The following PLPP4 variants were observed in gnomAD, a reference collection of about 807,000 sequenced individuals.
PLPP4 encodes diacylglycerol pyrophosphate like 2.
PLPP4 carries 20 observed loss-of-function variants against 32.2 expected under a neutral mutation model. That is an observed-to-expected ratio of 0.62 (90% CI 0.44 to 0.90). The LOEUF is 0.90. PLPP4 is among the 40% of genes least tolerant of loss of function. The probability of loss-of-function intolerance (pLI) is 0.00; values close to 1 mark genes in which losing one functional copy is unlikely to be tolerated. For missense variants in PLPP4, 257 were observed against 353.1 expected (o/e 0.73, Z 2.18); for synonymous variants, 127 against 133.0 (o/e 0.95, Z 0.31).
At chr10:120,517,343 A>G (rs1199578149) in intron 3 of PLPP4, among the ~76,000 whole-genome samples, 1 of 152,218 alleles carries the variant, frequency 6.6e-6, no homozygotes, top group Non-Finnish European at 1.5e-5. Context: ...AGAATATGGC[A>G]AAGATATCCC....
chr10:120,505,238 C>T (rs1845441761), intron 2 of PLPP4, among the ~76,000 whole-genome samples: 1 of 152,218 alleles, frequency 6.6e-6, no homozygotes, highest in Non-Finnish European at 1.5e-5. Flanking sequence ...GCTCTTGGAG[C>T]TCAGCTCTCA....
chr10:120,499,814 A>G (rs1845155199), intron 1 of PLPP4, among the ~76,000 whole-genome samples: 1 of 152,108 alleles, frequency 6.6e-6, no homozygotes, highest in African/African-American at 2.4e-5. Flanking sequence ...CCTTCCCTAG[A>G]AGCAGGGTTC....
chr10:120,471,233 C>G (rs1330068892), intron 1 of PLPP4, among the ~76,000 whole-genome samples: 1 of 152,008 alleles, frequency 6.6e-6, no homozygotes, highest in African/African-American at 2.4e-5. Context: ...TAATTAAAGC[C>G]TTCACATTGT....
chr10:120,566,027 T>A (rs1212288716), intron 5 of PLPP4, among the ~76,000 whole-genome samples: 1 of 152,148 alleles, frequency 6.6e-6, no homozygotes, highest in African/African-American at 2.4e-5. Context: ...GAAATTCTAT[T>A]TGGTCTTTTT....
rs773676931 is a variant in PLPP4, at chr10:120,521,065, C to T, written c.415C>T (p.Arg139Cys). The T allele has an allele frequency of 2.9e-5, 47 of 1,613,942 alleles. No individual in the cohort carries two copies. The highest frequency in any genetic ancestry group is 1.3e-4 in the Admixed American group (8 of 59,998). Residue 139 changes from arginine to cysteine, a missense_variant, in exon 5 of 7, where the codon CGC becomes TGC. Transcript: ENST00000398250. ...TGDPDLVSEGRKSFPSIHSSF... is the reference protein window; with the variant it reads ...TGDPDLVSEGCKSFPSIHSSF... Reference sequence around the variant, plus strand: ...TGACCCCGATCTGGTGTCCGAGGGCCGCAAAAGCTTCCCCAGCATCCATTC... The same window carrying T: ...TGACCCCGATCTGGTGTCCGAGGGCTGCAAAAGCTTCCCCAGCATCCATTC...
intron 1 of PLPP4, among the ~76,000 whole-genome samples, chr10:120,479,043 G>T (rs918304682): frequency 1.3e-5 from 2 of 152,262 alleles, no homozygotes; most frequent in South Asian, 4.1e-4. Flanking sequence ...TGGCTAACAT[G>T]GTGAAACCCC....
intron 1 of PLPP4, among the ~76,000 whole-genome samples, chr10:120,466,782 G>A (rs1848342509): frequency 6.6e-6 from 1 of 151,962 alleles, no homozygotes; most frequent in Non-Finnish European, 1.5e-5. Flanking sequence ...CTCCTAGGGA[G>A]CTTGTAAAGA....
At chr10:120,570,404 A>G (rs1848880385) in intron 5 of PLPP4, among the ~76,000 whole-genome samples, 1 of 152,132 alleles carries the variant, frequency 6.6e-6, no homozygotes, top group South Asian at 2.1e-4. Context: ...CCCAAAATGG[A>G]AAGTTTGTAT....
intron 6 of PLPP4, among the ~76,000 whole-genome samples, chr10:120,585,573 A>G (rs1035141773): frequency 6.6e-6 from 1 of 152,224 alleles, no homozygotes; most frequent in Non-Finnish European, 1.5e-5. Flanking sequence ...TAATCATTAG[A>G]AGTAATATAT....
intron 1 of PLPP4, among the ~76,000 whole-genome samples, chr10:120,495,065 G>A (rs980920043): frequency 1.3e-5 from 2 of 152,138 alleles, no homozygotes; most frequent in African/African-American, 2.4e-5. Flanking sequence ...GTGCATGTAC[G>A]GAGGAAGAGT....
intron 1 of PLPP4, among the ~76,000 whole-genome samples, chr10:120,460,985 A>T (rs1848017063): frequency 6.6e-6 from 1 of 152,174 alleles, no homozygotes; most frequent in Non-Finnish European, 1.5e-5. Context: ...ATCCAGCCCC[A>T]GGCTTCCAGA....
At chr10:120,485,619 G>A (rs1020350235) in intron 1 of PLPP4, among the ~76,000 whole-genome samples, 22 of 152,230 alleles carry the variant, frequency 1.4e-4, no homozygotes, top group Non-Finnish European at 2.9e-5. Context: ...GGTTTTTGAT[G>A]CTGGATACTG....
In PLPP4 at chr10:120,460,306, T is replaced by G. The variant is rs535245288; in HGVS notation, c.56+2945T>G. On this transcript the variant is annotated intron_variant, in intron 1 of 6. Transcript: ENST00000398250. ...CAGGAAGGAGAAGCACTTTTGGGCT[T>G]CTTCTGTCCTGCTGCTACCCAAGAC... Among the ~76,000 whole-genome samples the G allele has an allele frequency of 3.9e-5, 6 of 152,296 alleles. No homozygotes were observed. The East Asian group carries it at 5.8e-4, about 15-fold the overall frequency.
chr10:120,547,424 A>T lies in PLPP4; in HGVS notation c.445+26329A>T, dbSNP rs116508722. Reference sequence around the variant, plus strand: ...AATCACATTTTTGAAGTGGACGTTGAAAATTGTGTATGTGTTTTAAAAATT... The same window carrying T: ...AATCACATTTTTGAAGTGGACGTTGTAAATTGTGTATGTGTTTTAAAAATT... On this transcript the variant is annotated intron_variant, in intron 5 of 6. Transcript: ENST00000398250. Among the ~76,000 whole-genome samples, 1,277 of 152,306 alleles carry T rather than the reference A, an allele frequency of 8.4e-3. 23 individuals are homozygous for T. Among genetic ancestry groups the T allele is most frequent in the African/African-American group, 0.029 (1,225 of 41,558 alleles).
At chr10:120,508,667 C>A (rs927532637) in intron 2 of PLPP4, among the ~76,000 whole-genome samples, 1 of 152,088 alleles carries the variant, frequency 6.6e-6, no homozygotes, top group Non-Finnish European at 1.5e-5. Flanking sequence ...GGATTGACGC[C>A]CCTTCCTGTG....
intron 1 of PLPP4, among the ~76,000 whole-genome samples, chr10:120,489,467 A>G (rs1481363967): frequency 2.0e-5 from 3 of 152,238 alleles, no homozygotes; most frequent in African/African-American, 4.8e-5. Context: ...CAGTTTGAGC[A>G]GCCATGAGAG....
At chr10:120,457,561 G>C (rs999343327) in intron 1 of PLPP4, among the ~76,000 whole-genome samples, 200 bp downstream of exon 1, 7 of 152,002 alleles carry the variant, frequency 4.6e-5, no homozygotes, top group African/African-American at 1.4e-4. Flanking sequence ...CCTAGGCGCG[G>C]AGCGACCACC....
chr10:120,457,631 C>T (rs1847851035), intron 1 of PLPP4, among the ~76,000 whole-genome samples: 1 of 152,190 alleles, frequency 6.6e-6, no homozygotes, highest in South Asian at 2.1e-4. Context: ...TCGCCAGCCC[C>T]GCACCACCTG....
intron 5 of PLPP4, among the ~76,000 whole-genome samples, chr10:120,531,189 T>C (rs1181245591): frequency 1.4e-5 from 2 of 146,592 alleles, no homozygotes; most frequent in Non-Finnish European, 3.0e-5. Context: ...CACTACAATC[T>C]CCACCTCCTG....
Sources: gnomAD v4.1 joint callset for allele counts (sites outside exome capture counted in the v4.1 genomes callset) on GRCh38, gnomAD v4.1.1 for gene constraint, MANE v1.5 for transcripts, NCBI Gene and HGNC (gene_info 2026-07-23, HGNC 2026-07-21) for gene names.